The following RMDN2 variants were observed in gnomAD, a reference collection of about 807,000 sequenced individuals.
The protein encoded by RMDN2 is regulator of microtubule dynamics 2, also known as regulator of microtubule dynamics protein 2.
A neutral mutation model predicts 52.8 loss-of-function variants in RMDN2; 61 were observed. The ratio of observed to expected loss-of-function variants is 1.16; its 90% CI spans 0.94 to 1.43. The LOEUF (loss-of-function observed/expected upper bound fraction) is 1.43. RMDN2 is among the 40% of genes most tolerant of loss of function. The pLI, the probability that RMDN2 is intolerant of heterozygous loss-of-function variation, is 0.00. For synonymous variants in RMDN2, 180 were observed against 153.1 expected (o/e 1.18, Z -1.30); for missense variants, 592 against 475.3 (o/e 1.25, Z -2.28).
chr2:37,941,417 G>A (rs1421174514), intron 2 of RMDN2, among the ~76,000 whole-genome samples: 1 of 152,236 alleles, frequency 6.6e-6, no homozygotes, highest in African/African-American at 2.4e-5. Flanking sequence ...CAGAGTTTGA[G>A]CACTGTGGTG....
intron 7 of RMDN2, among the ~76,000 whole-genome samples, chr2:37,996,162 AT>A (rs1354658672): frequency 6.6e-6 from 1 of 152,238 alleles, no homozygotes; most frequent in Non-Finnish European, 1.5e-5. Flanking sequence ...GAATCATACC[AT>A]TAAGTGAAAA....
chr2:37,992,096 T>C (rs914943221), intron 7 of RMDN2, among the ~76,000 whole-genome samples: 2 of 152,240 alleles, frequency 1.3e-5, no homozygotes, highest in African/African-American at 4.8e-5. Context: ...TTATATTTCT[T>C]GCTGCATTTC....
At chr2:38,011,402 G>A (rs1382638270) in intron 10 of RMDN2, among the ~76,000 whole-genome samples, 1 of 152,038 alleles carries the variant, frequency 6.6e-6, no homozygotes, top group Non-Finnish European at 1.5e-5. Flanking sequence ...CAAAAAAATA[G>A]GTATATATTT....
At chr2:38,062,152 C>T (rs900206175) in intron 10 of RMDN2, among the ~76,000 whole-genome samples, 1 of 152,212 alleles carries the variant, frequency 6.6e-6, no homozygotes, top group Admixed American at 6.5e-5. Context: ...AATTTTAACA[C>T]ATGTATACAT....
chr2:37,979,218 C>T (rs1295266191), intron 4 of RMDN2, among the ~76,000 whole-genome samples: 5 of 151,546 alleles, frequency 3.3e-5, no homozygotes, highest in East Asian at 1.9e-4. Context: ...AGTGTGAAAA[C>T]GAAGGGTGGA....
chr2:38,065,637 C>T (rs986425892), intron 10 of RMDN2, among the ~76,000 whole-genome samples: 55 of 152,240 alleles, frequency 3.6e-4, no homozygotes, highest in African/African-American at 1.1e-3. Flanking sequence ...CTCTGAGAGA[C>T]GGAAGGGTTC....
At chr2:37,970,205 C>T (rs769247343) in intron 2 of RMDN2, among the ~76,000 whole-genome samples, 1 of 152,032 alleles carries the variant, frequency 6.6e-6, no homozygotes. Context: ...GGGAATATAC[C>T]GCACCTGGCT....
At chr2:38,041,750 T>G (rs1357572979) in intron 10 of RMDN2, among the ~76,000 whole-genome samples, 1 of 152,206 alleles carries the variant, frequency 6.6e-6, no homozygotes, top group Non-Finnish European at 1.5e-5. Context: ...TAGATCATAT[T>G]AATTAATTTT....
chr2:38,037,027 C>T (rs532250222), intron 10 of RMDN2, among the ~76,000 whole-genome samples: 1 of 152,154 alleles, frequency 6.6e-6, no homozygotes, highest in African/African-American at 2.4e-5. Flanking sequence ...CATTTATTTC[C>T]TAGAAATTTT....
chr2:38,009,475 G>A (rs1248094096), intron 10 of RMDN2, among the ~76,000 whole-genome samples: 1 of 152,108 alleles, frequency 6.6e-6, no homozygotes, highest in African/African-American at 2.4e-5. Flanking sequence ...TTCCATCACT[G>A]ATACCCTTTC....
chr2:37,940,156 G>A (rs1428578793), intron 2 of RMDN2, among the ~76,000 whole-genome samples: 1 of 152,150 alleles, frequency 6.6e-6, no homozygotes, highest in Non-Finnish European at 1.5e-5. Flanking sequence ...AGTTTGGCTC[G>A]ATATGAAGTT....
intron 10 of RMDN2, among the ~76,000 whole-genome samples, chr2:38,013,539 G>A (rs1348397456): frequency 6.6e-6 from 1 of 152,166 alleles, no homozygotes; most frequent in East Asian, 1.9e-4. Flanking sequence ...TTAAAGTTTT[G>A]AGCTGTATTT....
At chr2:37,937,177 C>T (rs2124915842) in intron 2 of RMDN2, among the ~76,000 whole-genome samples, 1 of 152,158 alleles carries the variant, frequency 6.6e-6, no homozygotes, top group East Asian at 1.9e-4. Context: ...TTCCCTATTG[C>T]TGTTTTTGTC....
At chr2:38,030,456 G>A (rs563355606) in intron 10 of RMDN2, 2 of 152,186 alleles carry the variant, frequency 1.3e-5, no homozygotes, top group African/African-American at 2.4e-5. Context: ...TGCAGTCACA[G>A]AGGATCATTC....
chr2:37,942,935 A>G (rs1667920382), intron 2 of RMDN2, among the ~76,000 whole-genome samples: 1 of 152,198 alleles, frequency 6.6e-6, no homozygotes, highest in Non-Finnish European at 1.5e-5. Flanking sequence ...CTAGAACCCT[A>G]ACGGCCAAGA....
intron 2 of RMDN2, chr2:37,950,233 G>C (rs1039838712): frequency 2.5e-6 from 1 of 403,204 alleles, no homozygotes; most frequent in Non-Finnish European, 4.7e-6. Flanking sequence ...GATGGTCCAA[G>C]GTAAAGGATT....
intron 10 of RMDN2, among the ~76,000 whole-genome samples, chr2:38,054,068 A>AT (rs1681749434): frequency 6.6e-6 from 1 of 152,214 alleles, no homozygotes; most frequent in Non-Finnish European, 1.5e-5. Flanking sequence ...CCTATGAACT[A>AT]TACTAGTAGA....
In RMDN2 at chr2:38,064,251, G is replaced by A. The variant is rs1222513820; in HGVS notation, c.1714-2731G>A. On this transcript the variant is annotated intron_variant, in intron 10 of 10. Transcript: ENST00000234195. ...GCATTGGTTCACACCTGTAATCCCA[G>A]TACTTTGGGAGTCCGAGGCGGGTAG... Among the ~76,000 whole-genome samples the A allele has an allele frequency of 2.6e-5, 4 of 152,288 alleles. No homozygotes were observed. The East Asian group carries it at 7.7e-4, about 29-fold the overall frequency.
chr2:38,018,923 AT>A (rs1202084364), downstream of RMDN2, among the ~76,000 whole-genome samples: 1 of 152,182 alleles, frequency 6.6e-6, no homozygotes, highest in Non-Finnish European at 1.5e-5. Flanking sequence ...TACACTTAAA[AT>A]TTCAAGCCGT....
Sources: allele counts gnomAD v4.1 joint callset (sites outside exome capture counted in the v4.1 genomes callset), GRCh38; gene constraint gnomAD v4.1.1; transcripts MANE v1.5; gene names NCBI Gene and HGNC (gene_info 2026-07-23, HGNC 2026-07-21).